Variants in KIAA0319L observed in about 807,000 individuals in gnomAD.
The protein encoded by KIAA0319L is dyslexia-associated protein KIAA0319-like protein.
Under a neutral mutation model 120.1 loss-of-function variants are expected in KIAA0319L, and 55 were observed. That is an observed-to-expected ratio of 0.46 (90% CI 0.37 to 0.57). The LOEUF is 0.57. KIAA0319L is among the 20% of genes least tolerant of loss of function. The pLI, the probability that KIAA0319L is intolerant of heterozygous loss-of-function variation, is 0.00. For missense variants in KIAA0319L, 1,049 were observed against 1,255.3 expected (o/e 0.84, Z 2.48); for synonymous variants, 398 against 471.9 (o/e 0.84, Z 2.03).
intron 3 of KIAA0319L, among the ~76,000 whole-genome samples, chr1:35,494,443 C>T (rs964013902): frequency 6.6e-6 from 1 of 150,980 alleles, no homozygotes; most frequent in Admixed American, 6.6e-5. Flanking sequence ...TGTGAGACTC[C>T]GTCTCAAAAA....
chr1:35,554,789 C>T, intron 1 of KIAA0319L: 1 of 206,930 alleles, frequency 4.8e-6, no homozygotes, highest in South Asian at 1.5e-4. Flanking sequence ...AGTAAATCAC[C>T]TATGTGGTAG....
intron 4 of KIAA0319L, among the ~76,000 whole-genome samples, chr1:35,477,864 A>C (rs1194226187): frequency 9.9e-5 from 15 of 152,130 alleles, no homozygotes. Flanking sequence ...AAAAATAAAA[A>C]TAGAGTTACC....
At chr1:35,538,572 C>A (rs1646670584) in intron 2 of KIAA0319L, among the ~76,000 whole-genome samples, 1 of 101,850 alleles carries the variant, frequency 9.8e-6, no homozygotes, top group Non-Finnish European at 1.7e-5. Context: ...GCCTGGGCAA[C>A]AGAGTGAAAC....
At chr1:35,476,718 G>A (rs1290073018) in intron 4 of KIAA0319L, among the ~76,000 whole-genome samples, 1 of 152,142 alleles carries the variant, frequency 6.6e-6, no homozygotes, top group Non-Finnish European at 1.5e-5. Flanking sequence ...CAGGCATCTT[G>A]ACTGGATACA....
intron 16 of KIAA0319L, among the ~76,000 whole-genome samples, chr1:35,446,589 C>A (rs1641642957): frequency 6.6e-6 from 1 of 152,198 alleles, no homozygotes; most frequent in African/African-American, 2.4e-5. Context: ...GTTCTCACCA[C>A]ACCTCCATCC....
chr1:35,531,508 G>A (rs1646368209), intron 2 of KIAA0319L, among the ~76,000 whole-genome samples: 1 of 152,206 alleles, frequency 6.6e-6, no homozygotes, highest in Non-Finnish European at 1.5e-5. Context: ...GGGACCTGGG[G>A]GATGCGTGGG....
At chr1:35,555,849 G>A (rs1248322438) in intron 1 of KIAA0319L, among the ~76,000 whole-genome samples, 3 of 152,156 alleles carry the variant, frequency 2.0e-5, no homozygotes, top group Non-Finnish European at 4.4e-5. Context: ...GAAATGAATA[G>A]CTTTTGAAAA....
chr1:35,505,657 G>C (rs1645179971), intron 3 of KIAA0319L, among the ~76,000 whole-genome samples: 1 of 152,112 alleles, frequency 6.6e-6, no homozygotes, highest in Admixed American at 6.6e-5. Flanking sequence ...ATGTTTATGG[G>C]CATATTAAAT....
chr1:35,507,228 T>C lies in KIAA0319L; in HGVS notation c.143-93A>G, dbSNP rs117421524. On this transcript the variant is annotated intron_variant, in intron 2 of 20. Transcript: ENST00000325722. ...CTGAGAACCAACATTTGAGGTTATT[T>C]TGAAGACGAGTTTTTAAGAGGGTGA... The C allele has an allele frequency of 3.6e-4, 470 of 1,300,866 alleles. 8 individuals are homozygous for C. In the East Asian group the frequency reaches 1.0e-2, roughly 28 times the overall value. The allele number at this position is 1,300,866 out of a possible 1,614,324, so 80.6% of individuals were successfully genotyped here.
chr1:35,536,891 C>T (rs1430220598), intron 2 of KIAA0319L, among the ~76,000 whole-genome samples: 1 of 151,598 alleles, frequency 6.6e-6, no homozygotes, highest in African/African-American at 2.4e-5. Context: ...AAAAAAACAA[C>T]TGTAACTAGG....
chr1:35,551,529 G>A (rs1486957769), intron 2 of KIAA0319L, among the ~76,000 whole-genome samples: 1 of 152,134 alleles, frequency 6.6e-6, no homozygotes, highest in Non-Finnish European at 1.5e-5. Flanking sequence ...ATGTTGGTCA[G>A]GGTGGTCTTG....
intron 1 of KIAA0319L, among the ~76,000 whole-genome samples, chr1:35,555,682 C>G (rs1324268750): frequency 6.6e-6 from 1 of 152,160 alleles, no homozygotes; most frequent in East Asian, 1.9e-4. Flanking sequence ...ATTTCTCTAG[C>G]CTCCCAAGAG....
intron 2 of KIAA0319L, among the ~76,000 whole-genome samples, chr1:35,550,213 G>A (rs563286245): frequency 2.0e-5 from 3 of 152,220 alleles, no homozygotes; most frequent in Non-Finnish European, 2.9e-5. Flanking sequence ...AGCTGCCTGG[G>A]GCTCTACCAA....
chr1:35,471,231 A>C (rs1643603744), intron 5 of KIAA0319L, among the ~76,000 whole-genome samples: 1 of 152,128 alleles, frequency 6.6e-6, no homozygotes, highest in African/African-American at 2.4e-5. Flanking sequence ...CCTCCCTAAA[A>C]AATACCAGGT....
intron 13 of KIAA0319L, among the ~76,000 whole-genome samples, chr1:35,451,036 T>C (rs971272245): frequency 2.6e-5 from 4 of 152,246 alleles, no homozygotes; most frequent in Admixed American, 6.5e-5. Context: ...CAGTATTTAC[T>C]CAGCTTGGTA....
At chr1:35,464,143 T>A (rs768512384) in intron 7 of KIAA0319L, among the ~76,000 whole-genome samples, 1 of 152,278 alleles carries the variant, frequency 6.6e-6, no homozygotes, top group Non-Finnish European at 1.5e-5. Flanking sequence ...GCTGAAAAGA[T>A]ATCCAAAAAT....
intron 2 of KIAA0319L, among the ~76,000 whole-genome samples, chr1:35,546,946 G>C (rs984580049): frequency 2.7e-5 from 4 of 149,600 alleles, no homozygotes; most frequent in Admixed American, 2.7e-4. Context: ...ATAACATCCA[G>C]CAATTCCACT....
intron 2 of KIAA0319L, among the ~76,000 whole-genome samples, chr1:35,515,312 C>CAA (rs765616874): frequency 1.5e-5 from 1 of 67,420 alleles, no homozygotes; most frequent in Non-Finnish European, 3.2e-5. Flanking sequence ...AACTCCATCT[C>CAA]AAAAAAAAAA....
chr1:35,462,734 A>T, intron 7 of KIAA0319L, 21 bp from the exon 8 acceptor site: 1 of 1,582,600 alleles, frequency 6.3e-7, no homozygotes. Flanking sequence ...GTGACCCAAA[A>T]GAAATTGGGA....
Sources: gnomAD v4.1 joint callset for allele counts (sites outside exome capture counted in the v4.1 genomes callset) on GRCh38, gnomAD v4.1.1 for gene constraint, MANE v1.5 for transcripts, NCBI Gene and HGNC (gene_info 2026-07-23, HGNC 2026-07-21) for gene names.